Variants in TIMP2 observed in about 807,000 individuals in gnomAD.
The protein encoded by TIMP2 is metalloproteinase inhibitor 2.
Under a neutral mutation model 24.3 loss-of-function variants are expected in TIMP2, and 5 were observed. That is an observed-to-expected ratio of 0.21 (90% CI 0.11 to 0.43). The LOEUF (loss-of-function observed/expected upper bound fraction) is 0.43, where lower values mean the gene tolerates loss of function less well. Among genes scored for constraint, TIMP2 ranks in the 20% least tolerant of loss-of-function variants. The pLI is 1.00. For missense variants in TIMP2, 221 were observed against 297.5 expected (o/e 0.74, Z 1.89); for synonymous variants, 130 against 123.2 (o/e 1.06, Z -0.37).
intron 1 of TIMP2, among the ~76,000 whole-genome samples, chr17:78,893,845 A>G (rs1437170205): frequency 1.3e-5 from 2 of 152,040 alleles, no homozygotes; most frequent in Non-Finnish European, 2.9e-5. Flanking sequence ...CCTTCCTAGG[A>G]AAGGAGGGGC....
chr17:78,917,642 A>G (rs1280464354), intron 1 of TIMP2, among the ~76,000 whole-genome samples: 1 of 152,140 alleles, frequency 6.6e-6, no homozygotes, highest in African/African-American at 2.4e-5. Context: ...AGAGTTTGAG[A>G]TCAAAGAGCA....
chr17:78,893,419 G>A (rs1224084151), intron 1 of TIMP2, among the ~76,000 whole-genome samples: 1 of 123,896 alleles, frequency 8.1e-6, no homozygotes, highest in South Asian at 2.6e-4. Context: ...GTGCATAGGG[G>A]TGTGTGTGCA....
rs370978393 is a variant in TIMP2, at chr17:78,873,769, C to T, written c.231+50G>A. On this transcript the variant is annotated intron_variant, in intron 2 of 4. Coordinates refer to ENST00000262768, the MANE Select transcript of TIMP2 (RefSeq NM_003255.5). ...CCAGGCTCTCTGCCAACCCCAACAC[C>T]CCACAGCTGTGCCCACAGTGCAGCC... 6 of 1,528,110 alleles carry T rather than the reference C, an allele frequency of 3.9e-6. No individual in the cohort carries two copies. In the African/African-American group the frequency reaches 8.2e-5, roughly 21 times the overall value. 94.7% of individuals were successfully genotyped at this position (1,528,110 alleles called of 1,614,324 possible).
In TIMP2 at chr17:78,891,408, T is replaced by C. The variant is rs749952695; in HGVS notation, c.131-17489A>G. On this transcript the variant is annotated intron_variant, in intron 1 of 4. Transcript: ENST00000262768. The surrounding 1 kb of genome is among the most constrained non-coding windows in gnomAD (Gnocchi z 4.5). The stretch of plus-strand genomic sequence containing the variant: ...CCAGGTCTCTGGTCCATCCTGGGCT[T>C]CAGTGCCAGGTACAAGCACAGGTGT... 8 of 1,550,674 alleles carry C rather than the reference T, an allele frequency of 5.2e-6. No individual in the cohort carries two copies. In the African/African-American group the frequency reaches 9.6e-5, roughly 19 times the overall value.
In TIMP2 at chr17:78,924,903, T is replaced by A. The variant is rs1343504434; in HGVS notation, c.130+56A>T. 1.4e-5 allele frequency: 15 copies of A among 1,051,888 alleles called. No homozygotes were observed. The highest frequency in any genetic ancestry group is 1.7e-5 in the Non-Finnish European group (15 of 859,806). The allele number at this position is 1,051,888 out of a possible 1,614,324, so 65.2% of individuals were successfully genotyped here. ...GGGCGGGCGGGGCGTCTGCGAACCC[T>A]CGGGGTCGCGGGGGAGGTGGGGCCC... On this transcript the variant is annotated intron_variant, in intron 1 of 4. Transcript: ENST00000262768. This position sits in a 1 kb window ranked among gnomAD's most constrained non-coding sequence, Gnocchi z 5.3.
chr17:78,875,972 G>A (rs1391835672), intron 1 of TIMP2, among the ~76,000 whole-genome samples: 1 of 152,128 alleles, frequency 6.6e-6, no homozygotes, highest in African/African-American at 2.4e-5. Context: ...ACTGGCCAAG[G>A]CCACAGGTTC....
At chr17:78,915,306 A>G (rs2070246693) in intron 1 of TIMP2, among the ~76,000 whole-genome samples, 1 of 152,168 alleles carries the variant, frequency 6.6e-6, no homozygotes, top group Non-Finnish European at 1.5e-5. Context: ...AGGGAGAAAG[A>G]TTAATTGATT....
intron 1 of TIMP2, among the ~76,000 whole-genome samples, chr17:78,906,868 C>A (rs1255511690): frequency 1.3e-5 from 2 of 151,640 alleles, no homozygotes; most frequent in Non-Finnish European, 2.9e-5. Flanking sequence ...CAGGCGTGAG[C>A]CACCGTGTCT....
rs888536000 is a variant in TIMP2, at chr17:78,883,898, T to C, written c.131-9979A>G. 2.6e-5 allele frequency among the ~76,000 whole-genome samples: 4 copies of C among 152,160 alleles called. No homozygotes were observed. In the South Asian group the frequency reaches 8.3e-4, roughly 32 times the overall value. On this transcript the variant is annotated intron_variant, in intron 1 of 4. Coordinates refer to ENST00000262768, the MANE Select transcript of TIMP2 (RefSeq NM_003255.5). ...CACGTCCCGCTGCCCTCCCTTTCCC[T>C]GGTGGGCCAGCAGGTCTCATGCCAG...
intron 3 of TIMP2, among the ~76,000 whole-genome samples, chr17:78,863,891 G>C (rs986499656): frequency 6.6e-6 from 1 of 152,152 alleles, no homozygotes; most frequent in African/African-American, 2.4e-5. Flanking sequence ...TCGTGGGGCA[G>C]ATACTACTGT....
At chr17:78,923,406 G>C (rs59689948) in intron 1 of TIMP2, among the ~76,000 whole-genome samples, 1 of 135,456 alleles carries the variant, frequency 7.4e-6, no homozygotes, top group African/African-American at 2.7e-5. Context: ...TGGGGGGGGG[G>C]GCGGGAGGGG....
chr17:78,907,187 C>A (rs757610104), intron 1 of TIMP2, among the ~76,000 whole-genome samples: 1 of 152,068 alleles, frequency 6.6e-6, no homozygotes, highest in Non-Finnish European at 1.5e-5. Flanking sequence ...GCATGTGCCA[C>A]CACACCCAGC....
In TIMP2 at chr17:78,855,306, A is replaced by T; in HGVS notation, c.*361T>A. 3.0e-6 allele frequency: 1 copy of T among 328,792 alleles called. No individual in the cohort carries two copies. The highest frequency in any genetic ancestry group is 5.8e-6 in the Non-Finnish European group (1 of 171,692). 20.4% of individuals were successfully genotyped at this position (328,792 alleles called of 1,614,324 possible). A position where few individuals can be genotyped will look rare whatever the true frequency, so the allele number is the denominator to read the frequency against. Reference sequence around the variant, plus strand: ...AAGTTTCTGCAAAATGCACATTTCCAGGCCCTGCCCTAACCCAGCTGGGAG... The same window carrying T: ...AAGTTTCTGCAAAATGCACATTTCCTGGCCCTGCCCTAACCCAGCTGGGAG... On this transcript the variant is annotated 3_prime_UTR_variant, in exon 5 of 5. Transcript: ENST00000262768. The surrounding 1 kb of genome is among the most constrained non-coding windows in gnomAD (Gnocchi z 6.0).
intron 1 of TIMP2, among the ~76,000 whole-genome samples, chr17:78,923,321 C>G (rs952214478): frequency 2.2e-4 from 32 of 147,766 alleles, no homozygotes; most frequent in African/African-American, 8.0e-4. Context: ...GCCGCCTTAA[C>G]TTATGCCAAG....
chr17:78,898,236 A>G (rs897665465), intron 1 of TIMP2: 3 of 152,104 alleles, frequency 2.0e-5, no homozygotes, highest in African/African-American at 7.2e-5. Context: ...GCCTATTCCT[A>G]TCCGCACAAT....
chr17:78,901,405 G>C (rs1399647749), intron 1 of TIMP2: 2 of 273,868 alleles, frequency 7.3e-6, no homozygotes, highest in Non-Finnish European at 1.4e-5. Context: ...ATCTGAACGA[G>C]GGAGAGGTGT....
chr17:78,883,812 GCCCTCCCCAACCCCAGGGCCCTGCC>G (rs1337269267), intron 1 of TIMP2, among the ~76,000 whole-genome samples: 3 of 152,048 alleles, frequency 2.0e-5, no homozygotes, highest in Non-Finnish European at 4.4e-5. Flanking sequence ...CCTTCCTGCC[GCCCTCCCCAACCCCAGGGCCCTGCC>G]CCCTCCCTCT....
In TIMP2 at chr17:78,924,200, G is replaced by A. The variant is rs1000056290; in HGVS notation, c.130+759C>T. 1.3e-5 allele frequency among the ~76,000 whole-genome samples: 2 copies of A among 152,226 alleles called. No homozygotes were observed. Among genetic ancestry groups the A allele is most frequent in the Non-Finnish European group, 2.9e-5 (2 of 68,042 alleles). On this transcript the variant is annotated intron_variant, in intron 1 of 4. Transcript: ENST00000262768. The surrounding 1 kb of genome is among the most constrained non-coding windows in gnomAD (Gnocchi z 5.3). The stretch of plus-strand genomic sequence containing the variant: ...TCTTTTGGGGGCTAGGAGTCCGGAG[G>A]TCATGGGTATTTGCTGGGGAATCTG...
At chr17:78,873,779 T>G in intron 2 of TIMP2, 40 bp downstream of exon 2, 1 of 1,561,490 alleles carries the variant, frequency 6.4e-7, no homozygotes, top group South Asian at 1.1e-5. Context: ...CCCACAGCTG[T>G]GCCCACAGTG....
Sources: gnomAD v4.1 joint callset for allele counts (sites outside exome capture counted in the v4.1 genomes callset) on GRCh38, gnomAD v4.1.1 for gene constraint, Gnocchi (gnomAD v3.1) non-coding constraint, MANE v1.5 for transcripts, NCBI Gene and HGNC (gene_info 2026-07-23, HGNC 2026-07-21) for gene names.